The following PLAC1 variants were observed in gnomAD, a reference collection of about 807,000 sequenced individuals.
PLAC1 encodes placenta-specific protein 1.
For synonymous variants in PLAC1, 68 were observed against 62.1 expected, an observed-to-expected ratio of 1.09 and a Z score of -0.44; for missense variants, 136 against 163.2, an observed-to-expected ratio of 0.83 and a Z score of 0.91.
At chrX:134,597,189 T>C (rs1265062511) in intron 2 of PLAC1, among the ~76,000 whole-genome samples, 1 of 111,727 alleles carries the variant, frequency 9.0e-6, no homozygotes, top group East Asian at 2.8e-4. Context: ...TTTTTTCCAG[T>C]CTATTTGCTC....
At chrX:134,642,857 G>A (rs1031620655) in intron 1 of PLAC1, among the ~76,000 whole-genome samples, 33 of 109,275 alleles carry the variant, frequency 3.0e-4, no homozygotes, top group African/African-American at 1.1e-3. Context: ...TGCTAAAAAC[G>A]AAACAAAACA....
chrX:134,608,189 A>G (rs2078132200), intron 1 of PLAC1, among the ~76,000 whole-genome samples: 2 of 112,048 alleles, frequency 1.8e-5, no homozygotes, highest in South Asian at 3.8e-4. Flanking sequence ...TACATATCCA[A>G]TAGAATTGGA....
chrX:134,607,645 T>TAA (rs78775785), intron 1 of PLAC1: 15 of 94,336 alleles, frequency 1.6e-4, no homozygotes, highest in African/African-American at 4.0e-4. Flanking sequence ...GGTATATATG[T>TAA]AAAAAAAAAA....
chrX:134,610,070 C>T (rs759642868), intron 1 of PLAC1, among the ~76,000 whole-genome samples: 29 of 111,271 alleles, frequency 2.6e-4, no homozygotes, highest in African/African-American at 7.8e-4. Context: ...CTCTGCCTCC[C>T]AGGTTCAAGC....
intron 2 of PLAC1, among the ~76,000 whole-genome samples, chrX:134,702,980 A>G (rs1036809838): frequency 8.9e-6 from 1 of 112,085 alleles, no homozygotes; most frequent in African/African-American, 3.2e-5. Context: ...AAAGTTGAAT[A>G]CTTTAGAGAG....
intron 1 of PLAC1, among the ~76,000 whole-genome samples, chrX:134,631,433 T>C (rs1320833371): frequency 8.9e-6 from 1 of 112,034 alleles, no homozygotes; most frequent in Non-Finnish European, 1.9e-5. Flanking sequence ...CGGATGGCCC[T>C]ACTCTTGAAA....
chrX:134,592,720 CTTTTT>C (rs141372595), intron 2 of PLAC1, among the ~76,000 whole-genome samples: 1 of 61,441 alleles, frequency 1.6e-5, no homozygotes, highest in Non-Finnish European at 3.1e-5. Flanking sequence ...CTCTGTGTCT[CTTTTT>C]TTTTTTTTTT....
At chrX:134,642,899 A>G (rs2078313696) in intron 1 of PLAC1, among the ~76,000 whole-genome samples, 1 of 109,976 alleles carries the variant, frequency 9.1e-6, no homozygotes, top group Non-Finnish European at 1.9e-5. Context: ...ACCACTCAAG[A>G]GTAAAAAGAG....
intron 2 of PLAC1, among the ~76,000 whole-genome samples, chrX:134,689,012 T>G (rs934772076): frequency 3.6e-5 from 4 of 112,331 alleles, no homozygotes; most frequent in African/African-American, 1.3e-4. Context: ...GGCTTAAGAA[T>G]CTTGAATCTG....
At chrX:134,630,907 G>A (rs1377288892) in intron 1 of PLAC1, among the ~76,000 whole-genome samples, 1 of 111,768 alleles carries the variant, frequency 8.9e-6, no homozygotes, top group African/African-American at 3.3e-5. Flanking sequence ...TGCACCTGAG[G>A]AGGAATCCTC....
intron 2 of PLAC1, among the ~76,000 whole-genome samples, chrX:134,585,582 T>C (rs772810072): frequency 2.7e-5 from 3 of 110,546 alleles, no homozygotes; most frequent in Non-Finnish European, 1.9e-5. Flanking sequence ...ACTTCCAAAG[T>C]GGGCAACTCC....
In PLAC1 at chrX:134,750,882, AAT is replaced by A. The variant is rs1452934514; in HGVS notation, n.89+13350_89+13351del. On this transcript the variant is annotated intron_variant and non_coding_transcript_variant, in intron 1 of 2. Transcript: ENST00000466797. Reference sequence around the variant, plus strand: ...ATATTTTTATATATATATATTTATAAATATATATATATATATTTATATATATA... The same window carrying A: ...ATATTTTTATATATATATATTTATAAATATATATATATATTTATATATATA... 2.2e-3 allele frequency among the ~76,000 whole-genome samples: 26 copies of A among 12,064 alleles called. 6 individuals carry two copies. Among genetic ancestry groups the A allele is most frequent in the African/African-American group, 0.017 (22 of 1,258 alleles). 10.5% of individuals were successfully genotyped at this position (12,064 alleles called of 115,157 possible).
Position 134,668,941 on chromosome X carries a change from G to A in PLAC1, n.174+64494C>T, listed in dbSNP as rs774967983. Among the ~76,000 whole-genome samples the A allele has an allele frequency of 5.3e-5, 6 of 112,537 alleles. No individual in the cohort carries two copies. In the South Asian group the frequency reaches 1.9e-3, roughly 35 times the overall value. ...GCTACACTGGGTGGCAACAGAGCAGGCAGGCCCAGCGAAAATGGGTCTGGC... is the reference window on the plus strand; with the variant it reads ...GCTACACTGGGTGGCAACAGAGCAGACAGGCCCAGCGAAAATGGGTCTGGC... On this transcript the variant is annotated intron_variant and non_coding_transcript_variant, in intron 2 of 2. Transcript: ENST00000466797.
intron 2 of PLAC1, among the ~76,000 whole-genome samples, chrX:134,574,721 C>T (rs2077928405): frequency 9.0e-6 from 1 of 111,569 alleles, no homozygotes; most frequent in South Asian, 3.8e-4. Context: ...CCTAGTCTGG[C>T]CTTTACATGG....
intron 2 of PLAC1, among the ~76,000 whole-genome samples, chrX:134,576,808 C>A (rs751990882): frequency 9.0e-6 from 1 of 110,918 alleles, no homozygotes; most frequent in Non-Finnish European, 1.9e-5. Context: ...GCCTGCAACC[C>A]CAGGAACGTC....
At chrX:134,661,510 A>G (rs1024975794), upstream of PLAC1, among the ~76,000 whole-genome samples, 8 of 111,983 alleles carry the variant, frequency 7.1e-5, no homozygotes, top group African/African-American at 2.3e-4. Context: ...TTGTGTAACT[A>G]CTTCTGAAAG....
chrX:134,686,413 T>C (rs919490503), intron 2 of PLAC1, among the ~76,000 whole-genome samples: 1 of 111,545 alleles, frequency 9.0e-6, no homozygotes, highest in African/African-American at 3.3e-5. Flanking sequence ...TCATGAAAAG[T>C]AAATAAACAA....
chrX:134,656,270 C>T (rs1177562658), intron 1 of PLAC1, among the ~76,000 whole-genome samples: 1 of 112,271 alleles, frequency 8.9e-6, no homozygotes, highest in Non-Finnish European at 1.9e-5. Flanking sequence ...CCTAGTGCTG[C>T]CATTACTTGC....
intron 1 of PLAC1, among the ~76,000 whole-genome samples, chrX:134,634,315 G>A (rs1359006415): frequency 2.7e-5 from 3 of 112,176 alleles, no homozygotes; most frequent in Non-Finnish European, 5.6e-5. Flanking sequence ...AGCTGGTACT[G>A]AGTCTGAGTT....
Sources: allele counts gnomAD v4.1 joint callset (sites outside exome capture counted in the v4.1 genomes callset), GRCh38; gene constraint gnomAD v4.1.1; transcripts MANE v1.5; gene names NCBI Gene and HGNC (gene_info 2026-07-23, HGNC 2026-07-21).